ROBO2: variants seen among roughly 807,000 people sequenced by gnomAD.
ROBO2 encodes roundabout homolog 2.
In ROBO2, 53 loss-of-function variants were observed where a neutral mutation model predicts 160.8. The ratio of observed to expected loss-of-function variants is 0.33; its 90% CI spans 0.26 to 0.41. The LOEUF (loss-of-function observed/expected upper bound fraction) is 0.41. Ranked by LOEUF, ROBO2 falls within the 10% of genes least tolerant of loss-of-function variation. The probability of loss-of-function intolerance (pLI) is 1.00; values close to 1 mark genes in which losing one functional copy is unlikely to be tolerated. For synonymous variants in ROBO2, 664 were observed against 611.7 expected (o/e 1.09, Z -1.26); for missense variants, 1,577 against 1,722.4 (o/e 0.92, Z 1.49).
intron 2 of ROBO2, among the ~76,000 whole-genome samples, chr3:76,355,006 A>ATGTGTG (rs2108320504): frequency 6.6e-6 from 1 of 150,968 alleles, no homozygotes; most frequent in South Asian, 2.1e-4. Flanking sequence ...ATATCTGGAT[A>ATGTGTG]TGTGTGTATG....
At chr3:77,193,302 G>T (rs1040258853) in intron 2 of ROBO2, among the ~76,000 whole-genome samples, 1 of 151,848 alleles carries the variant, frequency 6.6e-6, no homozygotes, top group South Asian at 2.1e-4. Flanking sequence ...TAGAGATAAG[G>T]TCTTGTTCTG....
chr3:76,322,164 GTATATATATA>G (rs200388202), intron 2 of ROBO2, among the ~76,000 whole-genome samples: 6,163 of 107,996 alleles, frequency 0.057, 257 homozygotes, highest in Middle Eastern at 0.15. Context: ...TACTTCTTCC[GTATATATATA>G]TATATATATA....
At chr3:77,085,543 T>C (rs545050582) in intron 1 of ROBO2, among the ~76,000 whole-genome samples, 1 of 152,184 alleles carries the variant, frequency 6.6e-6, no homozygotes, top group Admixed American at 6.5e-5. Flanking sequence ...GAAAATCCAT[T>C]CATTGTCAGT....
At chr3:77,330,749 G>C (rs933991958) in intron 2 of ROBO2, among the ~76,000 whole-genome samples, 4 of 152,014 alleles carry the variant, frequency 2.6e-5, no homozygotes, top group African/African-American at 9.7e-5. Flanking sequence ...AAGAAATGTG[G>C]GTTTTGATCT....
intron 2 of ROBO2, among the ~76,000 whole-genome samples, chr3:76,489,938 G>A (rs1010753894): frequency 2.6e-5 from 4 of 151,924 alleles, no homozygotes; most frequent in African/African-American, 9.7e-5. Context: ...AACACATTAG[G>A]ACATGCCTTA....
intron 2 of ROBO2, among the ~76,000 whole-genome samples, chr3:76,128,006 C>T (rs1435035606): frequency 6.7e-6 from 1 of 149,614 alleles, no homozygotes; most frequent in Admixed American, 6.8e-5. Context: ...AGTGATTCTC[C>T]TGCCTCAGCC....
chr3:76,194,864 C>T (rs762151732), intron 2 of ROBO2, among the ~76,000 whole-genome samples: 14 of 152,116 alleles, frequency 9.2e-5, no homozygotes, highest in Non-Finnish European at 1.3e-4. Context: ...GTGATCCGCC[C>T]GCGTTGGTCT....
At chr3:76,516,474 A>C (rs1187838852) in intron 2 of ROBO2, among the ~76,000 whole-genome samples, 1 of 152,146 alleles carries the variant, frequency 6.6e-6, no homozygotes, top group Non-Finnish European at 1.5e-5. Context: ...CCCGTTTATT[A>C]CTAAAGAGGC....
At chr3:76,007,352 G>A (rs1252191782) in intron 2 of ROBO2, among the ~76,000 whole-genome samples, 1 of 152,024 alleles carries the variant, frequency 6.6e-6, no homozygotes, top group Non-Finnish European at 1.5e-5. Context: ...ATAAAACACA[G>A]CTTCCAGGTA....
intron 6 of ROBO2, among the ~76,000 whole-genome samples, chr3:77,529,839 T>G (rs748273430): frequency 9.2e-5 from 14 of 151,928 alleles, no homozygotes; most frequent in Non-Finnish European, 1.8e-4. Flanking sequence ...TACTTTAAAC[T>G]TGACAACTAC....
chr3:77,055,543 G>C (rs187840632), intron 1 of ROBO2, among the ~76,000 whole-genome samples: 162 of 152,272 alleles, frequency 1.1e-3, no homozygotes, highest in Non-Finnish European at 1.9e-3. Context: ...TCCTGTCACA[G>C]GATTTCTGCA....
chr3:77,379,120 G>C (rs886395227), intron 2 of ROBO2, among the ~76,000 whole-genome samples: 4 of 151,936 alleles, frequency 2.6e-5, no homozygotes, highest in Non-Finnish European at 5.9e-5. Context: ...GCTAAGTTTT[G>C]TATTTTTAGT....
chr3:77,352,073 T>A (rs28615387), intron 2 of ROBO2, among the ~76,000 whole-genome samples: 2 of 149,990 alleles, frequency 1.3e-5, no homozygotes, highest in Non-Finnish European at 3.0e-5. Context: ...ATTGTGCACA[T>A]GTACCCTAGA....
chr3:76,954,165 T>A (rs1268942798), intron 2 of ROBO2, among the ~76,000 whole-genome samples: 1 of 152,190 alleles, frequency 6.6e-6, no homozygotes, highest in African/African-American at 2.4e-5. Context: ...CACCTTTCTT[T>A]CAATATATAA....
intron 2 of ROBO2, among the ~76,000 whole-genome samples, chr3:76,109,943 C>G (rs2070143562): frequency 6.6e-6 from 1 of 151,860 alleles, no homozygotes; most frequent in South Asian, 2.1e-4. Context: ...AGTTATTTCA[C>G]TTAAGATGAT....
rs564492178 is a variant in ROBO2, at chr3:76,584,332, C to A, written c.110-513682C>A. On this transcript the variant is annotated intron_variant, in intron 2 of 26. Coordinates refer to the ROBO2 transcript ENST00000487694. ...CCAAGACTTCAATATATGATTCCCCCCCAGAATCATATATTGAAGTCTCAA... is the reference window on the plus strand; with the variant it reads ...CCAAGACTTCAATATATGATTCCCCACCAGAATCATATATTGAAGTCTCAA... 1.0e-3 allele frequency among the ~76,000 whole-genome samples: 152 copies of A among 151,954 alleles called. 2 individuals carry two copies. The highest frequency in any genetic ancestry group is 1.8e-3 in the Non-Finnish European group (120 of 67,932).
chr3:76,899,154 A>G (rs918422162), intron 2 of ROBO2, among the ~76,000 whole-genome samples: 1 of 152,148 alleles, frequency 6.6e-6, no homozygotes, highest in Non-Finnish European at 1.5e-5. Flanking sequence ...TATAAATAAA[A>G]CCAGATTTAT....
chr3:77,437,124 G>A (rs2079374412), intron 2 of ROBO2, among the ~76,000 whole-genome samples: 1 of 151,956 alleles, frequency 6.6e-6, no homozygotes, highest in African/African-American at 2.4e-5. Flanking sequence ...CCTGACAAAG[G>A]ATGACAGATT....
chr3:76,210,594 CAG>C (rs1344750585), intron 2 of ROBO2, among the ~76,000 whole-genome samples: 2 of 151,982 alleles, frequency 1.3e-5, no homozygotes, highest in African/African-American at 4.8e-5. Flanking sequence ...TATATTTAAA[CAG>C]AGTTAATAAA....
Sources: allele counts gnomAD v4.1 joint callset (sites outside exome capture counted in the v4.1 genomes callset), GRCh38; gene constraint gnomAD v4.1.1; transcripts MANE v1.5; gene names NCBI Gene and HGNC (gene_info 2026-07-23, HGNC 2026-07-21).